The following TENM2 variants were observed in gnomAD, a reference collection of about 807,000 sequenced individuals.
TENM2 encodes the protein teneurin-2.
Under a neutral mutation model 245.2 loss-of-function variants are expected in TENM2, and 52 were observed. The observed-to-expected ratio is 0.21, with a 90% CI of 0.17 to 0.27. The LOEUF (loss-of-function observed/expected upper bound fraction) is 0.27, where lower values mean the gene tolerates loss of function less well. Among genes scored for constraint, TENM2 ranks in the 10% least tolerant of loss-of-function variants. The pLI is 1.00. For missense variants in TENM2, 3,046 were observed against 3,666.8 expected, an observed-to-expected ratio of 0.83 and a Z score of 4.37; for synonymous variants, 1,363 against 1,438.9, an observed-to-expected ratio of 0.95 and a Z score of 1.19.
chr5:167,941,904 C>T (rs1046797480), intron 3 of TENM2, among the ~76,000 whole-genome samples: 1 of 150,490 alleles, frequency 6.6e-6, no homozygotes, highest in African/African-American at 2.4e-5. Context: ...TGTCACCCCT[C>T]TCTCCAACAT....
chr5:167,792,732 GAAAA>G (rs76873091), intron 2 of TENM2, among the ~76,000 whole-genome samples: 2 of 123,748 alleles, frequency 1.6e-5, no homozygotes, highest in African/African-American at 6.0e-5. Flanking sequence ...TTGAAAAATG[GAAAA>G]AAAAAAAAAA....
intron 2 of TENM2, among the ~76,000 whole-genome samples, chr5:167,618,741 T>C (rs1420395232): frequency 1.3e-5 from 2 of 152,146 alleles, no homozygotes; most frequent in African/African-American, 4.8e-5. Context: ...CAACCTGTTT[T>C]TTGTATTCTC....
the TENM2 span, among the ~76,000 whole-genome samples, chr5:166,980,073 C>A: frequency 6.6e-6 from 1 of 152,102 alleles, no homozygotes; most frequent in African/African-American, 2.4e-5. Context: ...TTTAAAAATG[C>A]CGTTTTGCAT....
intron 2 of TENM2, among the ~76,000 whole-genome samples, chr5:167,456,238 G>T (rs1020260965): frequency 1.3e-5 from 2 of 152,122 alleles, no homozygotes; most frequent in Admixed American, 1.3e-4. Context: ...CAGTCAATAG[G>T]AACCCCAAAC....
chr5:167,961,913 C>T (rs1280951564), intron 4 of TENM2, among the ~76,000 whole-genome samples: 2 of 152,192 alleles, frequency 1.3e-5, no homozygotes, highest in African/African-American at 4.8e-5. Flanking sequence ...ACCAGATCCA[C>T]CAGAGTGTCT....
At chr5:168,143,006 T>A (rs1755690573) in intron 12 of TENM2, among the ~76,000 whole-genome samples, 1 of 152,118 alleles carries the variant, frequency 6.6e-6, no homozygotes, top group Non-Finnish European at 1.5e-5. Flanking sequence ...ATTACATGAA[T>A]CCACTGTAAG....
At chr5:167,241,699 A>T in the TENM2 span, among the ~76,000 whole-genome samples, 8 of 152,194 alleles carry the variant, frequency 5.3e-5, no homozygotes, top group African/African-American at 1.9e-4. Context: ...ATTTGGCAAC[A>T]TGGGTATCTT....
intron 23 of TENM2, among the ~76,000 whole-genome samples, 175 bp from the exon 26 acceptor site, chr5:168,225,913 A>T (rs1407019680): frequency 1.3e-5 from 2 of 152,166 alleles, no homozygotes; most frequent in East Asian, 3.8e-4. Context: ...AAAGCATCAC[A>T]GCTGTTTCTC....
At chr5:167,720,697 G>C (rs894857056) in intron 2 of TENM2, among the ~76,000 whole-genome samples, 1 of 152,048 alleles carries the variant, frequency 6.6e-6, no homozygotes, top group African/African-American at 2.4e-5. Context: ...TATTCAATAG[G>C]GAGCAAGAAT....
At chr5:167,474,153 T>C (rs1234802756) in intron 2 of TENM2, among the ~76,000 whole-genome samples, 4 of 144,474 alleles carry the variant, frequency 2.8e-5, no homozygotes, top group Non-Finnish European at 4.7e-5. Context: ...TTATGAAAAC[T>C]TTTAGAGATG....
chr5:167,401,083 C>T (rs1234757351), intron 2 of TENM2, among the ~76,000 whole-genome samples: 2 of 151,962 alleles, frequency 1.3e-5, no homozygotes, highest in African/African-American at 4.8e-5. Context: ...CAGAGTGACA[C>T]TCTGTCTCTT....
the TENM2 span, among the ~76,000 whole-genome samples, chr5:167,248,165 A>G: frequency 2.7e-3 from 417 of 152,250 alleles, 2 homozygotes; most frequent in Admixed American, 4.2e-3. Flanking sequence ...TTTACGATGA[A>G]ATTTGACGGA....
chr5:167,039,614 C>CA, the TENM2 span, among the ~76,000 whole-genome samples: 323 of 150,572 alleles, frequency 2.1e-3, 5 homozygotes, highest in East Asian at 0.036. Context: ...TGTCAATTAA[C>CA]AAAAAAAAAT....
intron 3 of TENM2, among the ~76,000 whole-genome samples, chr5:167,943,621 G>A (rs2151786319): frequency 6.6e-6 from 1 of 152,304 alleles, no homozygotes; most frequent in South Asian, 2.1e-4. Flanking sequence ...GAGCTGGAAT[G>A]AGAGGAGTTT....
rs1030092179 is a variant in TENM2, at chr5:167,449,828, C to T, written c.502+74355C>T. On this transcript the variant is annotated intron_variant, in intron 2 of 28. Coordinates refer to ENST00000518659, the Ensembl canonical transcript of TENM2. The stretch of plus-strand genomic sequence containing the variant: ...CAAAAATGAGCCATGCATAGTGGCG[C>T]GTACCTTTAATCCCAGCTACTCAGG... 8.5e-5 allele frequency among the ~76,000 whole-genome samples: 13 copies of T among 152,150 alleles called. No homozygotes were observed. The East Asian group carries it at 1.8e-3, about 20-fold the overall frequency.
At chr5:167,745,283 T>C (rs1399659734) in intron 2 of TENM2, among the ~76,000 whole-genome samples, 2 of 152,226 alleles carry the variant, frequency 1.3e-5, no homozygotes, top group Non-Finnish European at 2.9e-5. Context: ...AACCATCCTC[T>C]ATAATTCTGG....
chr5:167,314,036 G>A (rs978707390), intron 1 of TENM2, among the ~76,000 whole-genome samples: 1 of 152,142 alleles, frequency 6.6e-6, no homozygotes, highest in Non-Finnish European at 1.5e-5. Context: ...AAAGGGTTAT[G>A]TTTATAAATG....
In TENM2 at chr5:167,849,793, C is replaced by A. The variant is rs75531677; in HGVS notation, c.503-26193C>A. On this transcript the variant is annotated intron_variant, in intron 2 of 28. Coordinates refer to ENST00000518659, the Ensembl canonical transcript of TENM2. ...TATCCATTTATTATAAAGAATTTTA[C>A]AAAGGACACAGATGAACAGCCAGAT... Among the ~76,000 whole-genome samples, 956 of 152,266 alleles carry A rather than the reference C, an allele frequency of 6.3e-3. 7 individuals are homozygous for A. The highest frequency in any genetic ancestry group is 0.022 in the African/African-American group (916 of 41,542).
At chr5:166,979,185 G>C in the TENM2 span, among the ~76,000 whole-genome samples, 63 of 137,876 alleles carry the variant, frequency 4.6e-4, no homozygotes, top group Admixed American at 3.0e-3. Context: ...AGCAGCAGCA[G>C]CACCACCACC....
Sources: allele counts gnomAD v4.1 joint callset (sites outside exome capture counted in the v4.1 genomes callset), GRCh38; gene constraint gnomAD v4.1.1; transcripts MANE v1.5; gene names NCBI Gene and HGNC (gene_info 2026-07-23, HGNC 2026-07-21).